ARAP3: variants seen among roughly 807,000 people sequenced by gnomAD.
ARAP3 encodes ArfGAP with RhoGAP domain, ankyrin repeat and PH domain 3.
Under a neutral mutation model 169.2 loss-of-function variants are expected in ARAP3, and 82 were observed. The observed-to-expected ratio is 0.48, with a 90% CI of 0.41 to 0.58. The LOEUF is 0.58. Among genes scored for constraint, ARAP3 ranks in the 20% least tolerant of loss-of-function variants. ARAP3 has a pLI of 0.00. For synonymous variants in ARAP3, 791 were observed against 800.3 expected, an observed-to-expected ratio of 0.99 and a Z score of 0.20; for missense variants, 1,764 against 2,018.0, an observed-to-expected ratio of 0.87 and a Z score of 2.41.
At chr5:141,665,221 G>C (rs2099910477) in intron 18 of ARAP3, 90 bp downstream of exon 18, 1 of 1,574,652 alleles carries the variant, frequency 6.4e-7, no homozygotes, top group Non-Finnish European at 8.7e-7. Flanking sequence ...AAACTTTGAG[G>C]AAGTGGGCAA....
chr5:141,658,672 AAGTC>A lies in ARAP3; in HGVS notation c.3337-23_3337-20del. 6.4e-7 allele frequency: 1 copy of A among 1,571,182 alleles called. No individual in the cohort carries two copies. The highest frequency in any genetic ancestry group is 8.6e-7 in the Non-Finnish European group (1 of 1,164,606). ...GAGACAGCTGAGGGGAGGGGTAAAAAAGTCAGAAGGGCAAAAAAAGGGTGCAAAA... is the reference window on the plus strand; with the variant it reads ...GAGACAGCTGAGGGGAGGGGTAAAAAAGAAGGGCAAAAAAAGGGTGCAAAA... On this transcript the variant is annotated intron_variant, in intron 23 of 32. Transcript: ENST00000239440.
chr5:141,680,395 G>T lies in ARAP3; in HGVS notation c.92C>A (p.Ala31Asp). 6.2e-7 allele frequency: 1 copy of T among 1,614,020 alleles called. No individual in the cohort carries two copies. Among genetic ancestry groups the T allele is most frequent in the Non-Finnish European group, 8.5e-7 (1 of 1,180,036 alleles). Residue 31 changes from alanine to aspartate, a missense_variant, in exon 2 of 33, where the codon GCT (alanine) becomes GAT (aspartate). Around this residue, in one of 3 missense-constraint regions of ARAP3, gnomAD observed 630 missense variants for 678.7 expected, o/e 0.93. Coordinates refer to ENST00000239440, the MANE Select transcript of ARAP3 (RefSeq NM_022481.6). The part of the protein sequence containing the change: ...YADTFRRHGL[A>D]TAGAARGLGH... Reference sequence around the variant, plus strand: ...CAGGCCCCGGGCTGCACCTGCTGTAGCCAGGCCATGCCGTCGGAACGTGTC... The same window carrying T: ...CAGGCCCCGGGCTGCACCTGCTGTATCCAGGCCATGCCGTCGGAACGTGTC...
Position 141,662,212 on chromosome 5 carries a change from G to A in ARAP3, c.2844C>T (p.Ala948=), listed in dbSNP as rs58853991. The A allele has an allele frequency of 2.0e-3, 3,154 of 1,614,160 alleles. 52 individuals are homozygous for A. The African/African-American group carries it at 0.033, about 17-fold the overall frequency. ...ACTCAGCCAGGAGTCTCAGGCTGCG[G>A]GCACGAGCGCCCCCTTTCCGGTATA... is the stretch of plus-strand genomic sequence containing the variant. ...EGVYRKGGAR[A]RSLRLLAEFR... Residue 948 remains alanine, a synonymous_variant, in exon 20 of 33, where the codon GCC becomes GCT. Transcript: ENST00000239440.
At chr5:141,656,029 G>A (rs2099909230) in intron 29 of ARAP3, 35 bp downstream of exon 29, 2 of 1,613,956 alleles carry the variant, frequency 1.2e-6, no homozygotes, top group Non-Finnish European at 8.5e-7. Context: ...GTGCAGAGGT[G>A]GGCCAGAGGA....
rs2099911394 is a variant in ARAP3, at chr5:141,671,212, G to A, written c.1990+53C>T. The A allele has an allele frequency of 6.5e-7, 1 of 1,544,872 alleles. No individual in the cohort carries two copies. The highest frequency in any genetic ancestry group is 1.2e-5 in the South Asian group (1 of 81,598). The stretch of plus-strand genomic sequence containing the variant: ...GGCCCCTTGGAAGAACTGAATCATA[G>A]GTTGGGTCTGAGAATTCCTGTAGGG... On this transcript the variant is annotated intron_variant, in intron 13 of 32. Coordinates refer to ENST00000239440, the MANE Select transcript of ARAP3 (RefSeq NM_022481.6). The surrounding 1 kb of genome is among the most constrained non-coding windows in gnomAD (Gnocchi z 4.9).
rs777028900 is a variant in ARAP3, at chr5:141,654,021, T to C, written c.4564A>G (p.Thr1522Ala). Reference protein sequence around the residue: ...PQSPSPTGLPTQTPGFPTQPP... With the variant: ...PQSPSPTGLPAQTPGFPTQPP... ...TGGGTGGGGAAGCCAGGTGTCTGTG[T>C]TGGAAGGCCAGTGGGGCTGGGGGAT... The change falls in exon 33 of 33, where the codon ACA becomes GCA. Residue 1522 changes from threonine (T) to alanine (A), a missense_variant. Coordinates refer to ENST00000239440, the MANE Select transcript of ARAP3 (RefSeq NM_022481.6). 1 of 1,575,496 alleles carries C rather than the reference T, an allele frequency of 6.3e-7. No homozygotes were observed. Among genetic ancestry groups the C allele is most frequent in the East Asian group, 2.2e-5 (1 of 44,676 alleles).
Position 141,659,841 on chromosome 5 carries a change from G to T in ARAP3, c.3205C>A (p.Arg1069=), listed in dbSNP as rs768608851. 1 of 1,608,788 alleles carries T rather than the reference G, an allele frequency of 6.2e-7. No homozygotes were observed. The highest frequency in any genetic ancestry group is 8.5e-7 in the Non-Finnish European group (1 of 1,178,094). The change falls in exon 22 of 33, where the codon CGA becomes AGA. Residue 1069 remains arginine (R), a synonymous_variant. Coordinates refer to ENST00000239440, the MANE Select transcript of ARAP3 (RefSeq NM_022481.6). The part of the protein sequence containing the change: ...FAPSVFQTDG[R]GEHEVRVLQE... ...AGCACTCGCACCTCGTGCTCCCCTC[G>T]CCCATCCGTCTGGAACACGCTGGGT...
intron 6 of ARAP3, 83 bp downstream of exon 6, chr5:141,673,318 G>A: frequency 6.3e-7 from 1 of 1,584,346 alleles, no homozygotes; most frequent in Non-Finnish European, 8.6e-7. Flanking sequence ...CACACACAAT[G>A]GACTTCCCTC....
intron 1 of ARAP3, chr5:141,680,881 G>A (rs968321440): frequency 4.7e-6 from 1 of 212,094 alleles, no homozygotes. Context: ...GTGGGTCAGA[G>A]TGGGATAGGG....
chr5:141,679,794 G>A lies in ARAP3; in HGVS notation c.553C>T (p.Pro185Ser). 6.2e-7 allele frequency: 1 copy of A among 1,613,482 alleles called. No homozygotes were observed. The highest frequency in any genetic ancestry group is 8.5e-7 in the Non-Finnish European group (1 of 1,179,852). ...GTTGTGGGCCTGAGGGCAGGGGTGG[G>A]GGCAGAGATTTGGGAGCTGTCTGGG... is the stretch of plus-strand genomic sequence containing the variant. ...KAPDSSQISAPTPALRPTTGT... is the reference protein window; with the variant it reads ...KAPDSSQISASTPALRPTTGT... Residue 185 changes from proline to serine, a missense_variant, in exon 3 of 33, where the codon CCC becomes TCC. By Grantham distance (74) the Pro-to-Ser change is moderately conservative. Transcript: ENST00000239440.
At chr5:141,680,553 CT>C in intron 1 of ARAP3, 50 bp from the exon 2 acceptor site, 6 of 1,512,718 alleles carry the variant, frequency 4.0e-6, no homozygotes, top group Non-Finnish European at 5.3e-6. Flanking sequence ...GAATCCCCCT[CT>C]CTGCCCCAGA....
At chr5:141,679,914 C>T (rs752747230) in intron 2 of ARAP3, 49 bp downstream of exon 2, 2 of 1,612,544 alleles carry the variant, frequency 1.2e-6, no homozygotes, top group African/African-American at 2.7e-5. Flanking sequence ...CTCATGCTCT[C>T]CTCCCCACTC....
At position 141,680,251 on chromosome 5, in the gene ARAP3, A is replaced by G; in HGVS notation, c.236T>C (p.Met79Thr). The change falls in exon 2 of 33, where the codon ATG becomes ACG. Residue 79 changes from methionine (M) to threonine (T), a missense_variant. By Grantham distance (81) the Met-to-Thr change is moderately conservative. Around this residue, in one of 3 missense-constraint regions of ARAP3, gnomAD observed 630 missense variants for 678.7 expected, o/e 0.93. Coordinates refer to ENST00000239440, the MANE Select transcript of ARAP3 (RefSeq NM_022481.6). ...GSLDPKSDSA[M>T]EPSPSPAPQA... ...CGGGGCTGGGCTGGGGGATGGTTCC[A>G]TGGCACTATCTGATTTGGGATCCAG... 1.2e-6 allele frequency: 2 copies of G among 1,614,122 alleles called. No homozygotes were observed. The highest frequency in any genetic ancestry group is 1.1e-5 in the South Asian group (1 of 91,086).
intron 32 of ARAP3, 86 bp downstream of exon 32, chr5:141,655,276 T>C (rs2099909124): frequency 1.5e-6 from 2 of 1,354,260 alleles, no homozygotes; most frequent in African/African-American, 1.6e-5. Flanking sequence ...ATGGCCTACA[T>C]GAGGAAAACA....
At chr5:141,681,727 C>T (rs1196218817) in intron 1 of ARAP3, among the ~76,000 whole-genome samples, 1 of 152,218 alleles carries the variant, frequency 6.6e-6, no homozygotes, top group Non-Finnish European at 1.5e-5. Flanking sequence ...CCGCCTCGGC[C>T]TAGGCTCTCT....
At chr5:141,656,322 T>C (rs766532762) in intron 27 of ARAP3, 46 bp from the exon 28 acceptor site, 8 of 1,611,210 alleles carry the variant, frequency 5.0e-6, no homozygotes, top group Non-Finnish European at 6.8e-6. Flanking sequence ...TGAGAGATCA[T>C]GGTTAATGAG....
At chr5:141,681,650 A>G (rs1448693806) in intron 1 of ARAP3, among the ~76,000 whole-genome samples, 1 of 152,056 alleles carries the variant, frequency 6.6e-6, no homozygotes, top group African/African-American at 2.4e-5. Flanking sequence ...GACTCAGTCT[A>G]CAATTCTAAC....
chr5:141,664,884 C>T, intron 19 of ARAP3, 38 bp downstream of exon 19: 1 of 474,382 alleles, frequency 2.1e-6, no homozygotes, highest in Non-Finnish European at 4.0e-6. Context: ...CCCCACCCCC[C>T]ACCCCCATTG....
At chr5:141,658,137 T>C (rs996404487) in intron 25 of ARAP3, among the ~76,000 whole-genome samples, 2 of 152,036 alleles carry the variant, frequency 1.3e-5, no homozygotes, top group Non-Finnish European at 2.9e-5. Flanking sequence ...CCCTTTAAGG[T>C]AGAAGGTAAA....
Sources: gnomAD v4.1 joint callset for allele counts (sites outside exome capture counted in the v4.1 genomes callset) on GRCh38, gnomAD v4.1.1 for gene constraint, gnomAD v4.1.1 regional missense constraint, Gnocchi (gnomAD v3.1) non-coding constraint, MANE v1.5 for transcripts, NCBI Gene and HGNC (gene_info 2026-07-23, HGNC 2026-07-21) for gene names.